The following PCDHGA9 variants were observed in gnomAD, a reference collection of about 807,000 sequenced individuals.
The protein encoded by PCDHGA9 is protocadherin gamma-A9.
In PCDHGA9, 37 loss-of-function variants were observed where a neutral mutation model predicts 62.5. The observed-to-expected ratio is 0.59, with a 90% CI of 0.46 to 0.78. PCDHGA9 has a LOEUF of 0.78. Ranked by LOEUF, PCDHGA9 falls within the 30% of genes least tolerant of loss-of-function variation. PCDHGA9 has a pLI of 0.00. For synonymous variants in PCDHGA9, 459 were observed against 484.6 expected (o/e 0.95, Z 0.69); for missense variants, 1,138 against 1,166.2 (o/e 0.98, Z 0.35).
Position 141,403,079 on chromosome 5 carries a change from T to C in PCDHGA9, c.127T>C (p.Tyr43His), listed in dbSNP as rs770770660. 3 of 1,614,064 alleles carry C rather than the reference T, an allele frequency of 1.9e-6. No individual in the cohort carries two copies. The highest frequency in any genetic ancestry group is 1.7e-6 in the Non-Finnish European group (2 of 1,179,910). The change falls in exon 1 of 4, where the codon TAT (tyrosine) becomes CAT (histidine). Residue 43 changes from tyrosine (Y) to histidine (H), a missense_variant. Transcript: ENST00000573521. Reference sequence around the variant, plus strand: ...AGTGCCTGAAGAGACAGAAAAGGGCTATATTGTGGGCAACATCTCCAAGGA... The same window carrying C: ...AGTGCCTGAAGAGACAGAAAAGGGCCATATTGTGGGCAACATCTCCAAGGA... The part of the protein sequence containing the change: ...YSVPEETEKG[Y>H]IVGNISKDLA...
At chr5:141,417,712 C>T in intron 1 of PCDHGA9, 1 of 1,270,436 alleles carries the variant, frequency 7.9e-7, no homozygotes, top group Non-Finnish European at 1.1e-6. Context: ...ACAGAGGCTC[C>T]CGGCTGCGCA....
intron 1 of PCDHGA9, among the ~76,000 whole-genome samples, chr5:141,479,965 T>C (rs2099510479): frequency 6.6e-6 from 1 of 152,234 alleles, no homozygotes; most frequent in East Asian, 1.9e-4. Context: ...GTTAGTCAAA[T>C]GAGGTTCTAC....
At position 141,495,009 on chromosome 5, in the gene PCDHGA9, G is replaced by A; in HGVS notation, c.2483+144G>A. 6 of 1,518,622 alleles carry A rather than the reference G, an allele frequency of 4.0e-6. No homozygotes were observed. The South Asian group carries it at 6.2e-5, about 16-fold the overall frequency. The allele number at this position is 1,518,622 out of a possible 1,614,324, so 94.1% of individuals were successfully genotyped here. ...TCCCAGGGAGGTCTTGGTGTGCGGG[G>A]GGCTGGCACACAGACCCCGGAAGGA... is the stretch of plus-strand genomic sequence containing the variant. On this transcript the variant is annotated intron_variant, in intron 2 of 3. Coordinates refer to ENST00000573521, the MANE Select transcript of PCDHGA9 (RefSeq NM_018921.3).
At chr5:141,413,316 T>G (rs769316460) in intron 1 of PCDHGA9, 1 of 1,613,976 alleles carries the variant, frequency 6.2e-7, no homozygotes, top group South Asian at 1.1e-5. Context: ...AGAAAGGCTC[T>G]TTCGTGGGCA....
intron 1 of PCDHGA9, among the ~76,000 whole-genome samples, chr5:141,454,836 C>T (rs1201514890): frequency 1.3e-4 from 11 of 85,100 alleles, no homozygotes; most frequent in African/African-American, 2.1e-4. Context: ...GAGACAGAGT[C>T]GCGCTCTGTC....
intron 1 of PCDHGA9, chr5:141,475,984 G>T: frequency 1.9e-6 from 2 of 1,069,308 alleles, no homozygotes; most frequent in South Asian, 3.1e-5. Context: ...AACAGCCGGC[G>T]AGCAAATCAA....
intron 3 of PCDHGA9, among the ~76,000 whole-genome samples, chr5:141,510,227 C>T (rs1010123412): frequency 1.3e-5 from 2 of 150,454 alleles, no homozygotes; most frequent in African/African-American, 2.5e-5. Context: ...GAGCCGGGAT[C>T]GCGCCACTGC....
intron 1 of PCDHGA9, chr5:141,428,402 G>T (rs899477196): frequency 1.7e-5 from 8 of 479,776 alleles, no homozygotes; most frequent in African/African-American, 1.4e-4. Flanking sequence ...TCTGCCTGGG[G>T]TTGCTTTCAC....
Position 141,404,488 on chromosome 5 carries a change from T to C in PCDHGA9, c.1536T>C (p.Gly512=), listed in dbSNP as rs3749770. The change falls in exon 1 of 4, where the codon GGT becomes GGC. Residue 512 remains glycine, a synonymous_variant. Transcript: ENST00000573521. ...STYVSINSDT[G]VLYALCSFDY... is the part of the protein sequence containing the mutation. ...ATGTCTCTATTAACTCAGACACTGG[T>C]GTGCTGTATGCTCTGTGCTCCTTTG... The C allele has an allele frequency of 0.24, 387,354 of 1,612,960 alleles. 50,449 individuals are homozygous for C. Among genetic ancestry groups the C allele is most frequent in the African/African-American group, 0.51 (38,067 of 74,926 alleles).
intron 1 of PCDHGA9, among the ~76,000 whole-genome samples, chr5:141,465,396 C>A (rs2099102528): frequency 6.6e-6 from 1 of 152,054 alleles, no homozygotes; most frequent in Admixed American, 6.6e-5. Context: ...AAAAACAAGT[C>A]AGAAGAAGCC....
Position 141,501,290 on chromosome 5 carries a change from TACACACACACACAC to T in PCDHGA9, c.2484-4072_2484-4059del, listed in dbSNP as rs55762287. ...GTCCAGTCTATGGGATATTCCCTTA[TACACACACACACAC>T]ACACACACACACACACACACACACA... On this transcript the variant is annotated intron_variant, in intron 2 of 3. Transcript: ENST00000573521. Among the ~76,000 whole-genome samples, 10 of 136,248 alleles carry T rather than the reference TACACACACACACAC, an allele frequency of 7.3e-5. No homozygotes were observed. In the South Asian group the frequency reaches 1.2e-3, roughly 16 times the overall value. 89.4% of individuals were successfully genotyped at this position (136,248 alleles called of 152,430 possible).
chr5:141,405,066 T>G lies in PCDHGA9; in HGVS notation c.2114T>G (p.Leu705Arg). 1.2e-6 allele frequency: 2 copies of G among 1,613,866 alleles called. No homozygotes were observed. Among genetic ancestry groups the G allele is most frequent in the South Asian group, 2.2e-5 (2 of 91,080 alleles). The change falls in exon 1 of 4, where the codon CTC (leucine) becomes CGC (arginine). Residue 705 changes from leucine to arginine, a missense_variant. Coordinates refer to ENST00000573521, the MANE Select transcript of PCDHGA9 (RefSeq NM_018921.3). ...VAVAVVSCVF[L>R]TFVITLLALR... ...GTGGCAGTCGTCTCCTGTGTCTTCC[T>G]CACCTTCGTTATCACGCTGCTGGCC... is the stretch of plus-strand genomic sequence containing the variant.
intron 1 of PCDHGA9, chr5:141,410,481 G>C: frequency 6.2e-7 from 1 of 1,613,966 alleles, no homozygotes; most frequent in Non-Finnish European, 8.5e-7. Flanking sequence ...GCACATACGG[G>C]TACAAAAGAG....
intron 1 of PCDHGA9, chr5:141,410,614 G>A: frequency 6.2e-7 from 1 of 1,604,858 alleles, no homozygotes; most frequent in South Asian, 1.1e-5. Flanking sequence ...CTGAGACTCT[G>A]ACTTCGGTGA....
At chr5:141,492,218 T>C (rs2099738354) in intron 1 of PCDHGA9, among the ~76,000 whole-genome samples, 1 of 152,114 alleles carries the variant, frequency 6.6e-6, no homozygotes. Flanking sequence ...GCGGGGCTCA[T>C]GCGTGTCCTC....
intron 1 of PCDHGA9, chr5:141,426,680 T>C (rs1261836011): frequency 2.3e-6 from 1 of 431,334 alleles, no homozygotes; most frequent in East Asian, 7.2e-5. Flanking sequence ...CACCTCATTT[T>C]CCCCAAAATA....
chr5:141,446,043 A>T (rs1374577548), intron 1 of PCDHGA9, among the ~76,000 whole-genome samples: 2 of 152,226 alleles, frequency 1.3e-5, no homozygotes, highest in Non-Finnish European at 2.9e-5. Flanking sequence ...AAATGGAAGA[A>T]GAGCTGGCTT....
intron 2 of PCDHGA9, among the ~76,000 whole-genome samples, chr5:141,504,997 AC>A (rs554150488): frequency 9.9e-5 from 15 of 152,238 alleles, no homozygotes; most frequent in African/African-American, 2.9e-4. Flanking sequence ...CCCCGTCTGT[AC>A]TAAAAATACA....
intron 1 of PCDHGA9, chr5:141,424,482 T>C (rs779975685): frequency 1.3e-5 from 2 of 152,216 alleles, no homozygotes; most frequent in Non-Finnish European, 2.9e-5. Context: ...TACTTTGGTG[T>C]CTGTGTTTGT....
Sources: allele counts gnomAD v4.1 joint callset (sites outside exome capture counted in the v4.1 genomes callset), GRCh38; gene constraint gnomAD v4.1.1; transcripts MANE v1.5; gene names NCBI Gene and HGNC (gene_info 2026-07-23, HGNC 2026-07-21).